The following MFSD11 variants were observed in gnomAD, a reference collection of about 807,000 sequenced individuals.
MFSD11 encodes the protein UNC93-like protein MFSD11.
Under a neutral mutation model 53.5 loss-of-function variants are expected in MFSD11, and 36 were observed. The observed-to-expected ratio is 0.67, with a 90% CI of 0.52 to 0.89. The LOEUF (loss-of-function observed/expected upper bound fraction) is 0.89, where lower values mean the gene tolerates loss of function less well. Among genes scored for constraint, MFSD11 ranks in the 40% least tolerant of loss-of-function variants. MFSD11 has a pLI of 0.00. For missense variants in MFSD11, 530 were observed against 543.9 expected, an observed-to-expected ratio of 0.97 and a Z score of 0.25; for synonymous variants, 186 against 184.9, an observed-to-expected ratio of 1.01 and a Z score of -0.05.
chr17:76,778,407 C>G lies in MFSD11; in HGVS notation c.*55C>G, dbSNP rs2082034522. 2 of 1,574,088 alleles carry G rather than the reference C, an allele frequency of 1.3e-6. No homozygotes were observed. Among genetic ancestry groups the G allele is most frequent in the African/African-American group, 1.4e-5 (1 of 73,670 alleles). ...CTCAGAAACACAGCTGGACACAGAG[C>G]TTGGTGGAAGAAGTCGCCTTTGATC... On this transcript the variant is annotated 3_prime_UTR_variant, in exon 13 of 13. Transcript: ENST00000685175.
chr17:76,753,013 TAAAAAAAAAAATCTTGTTCCATA>T (rs914741169), intron 7 of MFSD11: 4 of 112,720 alleles, frequency 3.5e-5, no homozygotes, highest in Admixed American at 2.2e-4. Context: ...GTTCCATATT[TAAAAAAAAAAATCTTGTTCCATA>T]AAAAAAAAAA....
Position 76,776,727 on chromosome 17 carries a change from G to A in MFSD11, c.1185+186G>A, listed in dbSNP as rs1031170931. 2.6e-5 allele frequency among the ~76,000 whole-genome samples: 4 copies of A among 151,918 alleles called. No homozygotes were observed. Among genetic ancestry groups the A allele is most frequent in the African/African-American group, 7.2e-5 (3 of 41,380 alleles). ...GCAATCTTGACTCGCTGCAACCTCC[G>A]CCTCCCGGGTTCAAGCAATTCTCCT... is the stretch of plus-strand genomic sequence containing the variant. On this transcript the variant is annotated intron_variant, in intron 12 of 12. Coordinates refer to ENST00000685175, the MANE Select transcript of MFSD11 (RefSeq NM_001242532.5). This position sits in a 1 kb window ranked among gnomAD's most constrained non-coding sequence, Gnocchi z 4.2.
chr17:76,774,573 C>A (rs2081646243), intron 10 of MFSD11, among the ~76,000 whole-genome samples: 1 of 152,248 alleles, frequency 6.6e-6, no homozygotes, highest in African/African-American at 2.4e-5. Context: ...GCCTCTCTGA[C>A]TCCCCTTCGG....
chr17:76,739,510 G>A (rs1316831091), intron 2 of MFSD11, among the ~76,000 whole-genome samples: 2 of 152,222 alleles, frequency 1.3e-5, no homozygotes, highest in East Asian at 3.8e-4. Context: ...AGAACCTTGT[G>A]ATTGGACCTG....
chr17:76,761,012 TAGCCAACATGGCA>T (rs1390050451), intron 8 of MFSD11, among the ~76,000 whole-genome samples: 1 of 151,996 alleles, frequency 6.6e-6, no homozygotes, highest in Non-Finnish European at 1.5e-5. Context: ...GAGACCAGCC[TAGCCAACATGGCA>T]AAACCCCATC....
intron 9 of MFSD11, 78 bp from the exon 10 acceptor site, chr17:76,769,668 C>A: frequency 8.8e-7 from 1 of 1,136,888 alleles, no homozygotes; most frequent in African/African-American, 1.6e-5. Flanking sequence ...AGTATTCTTT[C>A]GTCAGATACT....
At chr17:76,784,460 G>T (rs2082242971), downstream of MFSD11, among the ~76,000 whole-genome samples, 1 of 152,128 alleles carries the variant, frequency 6.6e-6, no homozygotes, top group Non-Finnish European at 1.5e-5. Flanking sequence ...TTGAACCTGG[G>T]AGGCAGAGGT....
At chr17:76,777,963 C>T (rs909764281) in intron 12 of MFSD11, among the ~76,000 whole-genome samples, 2 of 152,116 alleles carry the variant, frequency 1.3e-5, no homozygotes, top group Non-Finnish European at 2.9e-5. Flanking sequence ...CATGAACCCC[C>T]ACACCTGGCC....
chr17:76,770,020 C>T (rs963022942), intron 10 of MFSD11, 149 bp downstream of exon 10: 13 of 656,452 alleles, frequency 2.0e-5, no homozygotes, highest in African/African-American at 1.0e-4. Context: ...TCTATTATTG[C>T]TATTCTTTTT....
intron 8 of MFSD11, among the ~76,000 whole-genome samples, chr17:76,755,429 A>G (rs60626501): frequency 0.026 from 3,909 of 152,086 alleles, 159 homozygotes; most frequent in African/African-American, 0.086. Flanking sequence ...GAGACCATGT[A>G]TATTCATTAA....
the MFSD11 span, among the ~76,000 whole-genome samples, chr17:76,800,651 A>G: frequency 1.3e-5 from 2 of 152,208 alleles, no homozygotes; most frequent in East Asian, 3.8e-4. Context: ...CAGTGAGGGC[A>G]GTGCATAGCT....
At chr17:76,770,470 C>T (rs1434882947) in intron 10 of MFSD11, among the ~76,000 whole-genome samples, 1 of 152,190 alleles carries the variant, frequency 6.6e-6, no homozygotes, top group African/African-American at 2.4e-5. Flanking sequence ...CTTGGAATTC[C>T]TGACTCTGGT....
chr17:76,738,590 T>G, intron 1 of MFSD11, 142 bp downstream of exon 1: 1 of 650,714 alleles, frequency 1.5e-6, no homozygotes, highest in East Asian at 2.7e-5. Context: ...TTTTTTATGA[T>G]TAGGTTTGAT....
At chr17:76,745,696 C>T (rs1173896104) in intron 7 of MFSD11, among the ~76,000 whole-genome samples, 4 of 152,132 alleles carry the variant, frequency 2.6e-5, no homozygotes, top group Non-Finnish European at 5.9e-5. Flanking sequence ...CCCCCATCTC[C>T]CTCCCTCTTC....
intron 3 of MFSD11, 61 bp downstream of exon 3, chr17:76,741,125 T>C: frequency 9.6e-7 from 1 of 1,040,874 alleles, no homozygotes; most frequent in African/African-American, 1.6e-5. Flanking sequence ...TTCAAGTAGA[T>C]AGTAAACTTC....
chr17:76,788,197 C>T, the MFSD11 span, among the ~76,000 whole-genome samples: 1 of 148,950 alleles, frequency 6.7e-6, no homozygotes, highest in South Asian at 2.2e-4. Context: ...CACGCTGCCA[C>T]ACCTGGCTAA....
chr17:76,736,777 C>T (rs1310005419), upstream of MFSD11: 7 of 1,419,126 alleles, frequency 4.9e-6, no homozygotes, highest in Non-Finnish European at 6.4e-6. Flanking sequence ...CCGCCTCCCG[C>T]GGTCCCCTCA....
At chr17:76,750,487 A>G (rs1159085683) in intron 7 of MFSD11, among the ~76,000 whole-genome samples, 1 of 148,432 alleles carries the variant, frequency 6.7e-6, no homozygotes, top group Non-Finnish European at 1.5e-5. Context: ...CCTCCTGAGT[A>G]GCTGGGACTA....
the MFSD11 span, among the ~76,000 whole-genome samples, chr17:76,786,875 G>A: frequency 2.0e-5 from 3 of 152,038 alleles, no homozygotes; most frequent in Non-Finnish European, 4.4e-5. Context: ...GAGTGCAGTG[G>A]CGCGATATTG....
Sources: allele counts gnomAD v4.1 joint callset (sites outside exome capture counted in the v4.1 genomes callset), GRCh38; gene constraint gnomAD v4.1.1; non-coding constraint Gnocchi (gnomAD v3.1); transcripts MANE v1.5; gene names NCBI Gene and HGNC (gene_info 2026-07-23, HGNC 2026-07-21).